The following ANGPTL2 variants were observed in gnomAD, a reference collection of about 807,000 sequenced individuals.
The protein encoded by ANGPTL2 is angiopoietin-related protein 2.
ANGPTL2 carries 25 observed loss-of-function variants against 52.8 expected under a neutral mutation model. The ratio of observed to expected loss-of-function variants is 0.47; its 90% CI spans 0.35 to 0.66. The LOEUF (loss-of-function observed/expected upper bound fraction) is 0.66, where lower values mean the gene tolerates loss of function less well. Ranked by LOEUF, ANGPTL2 falls within the 30% of genes least tolerant of loss-of-function variation. The pLI, the probability that ANGPTL2 is intolerant of heterozygous loss-of-function variation, is 0.01. For missense variants in ANGPTL2, 546 were observed against 656.9 expected (o/e 0.83, Z 1.84); for synonymous variants, 276 against 277.4 (o/e 1.00, Z 0.05).
At chr9:127,117,509 G>T (rs1395258775) in intron 1 of ANGPTL2, among the ~76,000 whole-genome samples, 1 of 152,208 alleles carries the variant, frequency 6.6e-6, no homozygotes. Context: ...AGGGGTCCAC[G>T]GTAGTAGGTG....
chr9:127,115,039 C>T (rs2055251738), intron 1 of ANGPTL2, among the ~76,000 whole-genome samples: 1 of 152,122 alleles, frequency 6.6e-6, no homozygotes, highest in Non-Finnish European at 1.5e-5. Context: ...GATCAGGTGA[C>T]CAGTAGTATT....
At chr9:127,097,697 C>G (rs1416014339) in intron 2 of ANGPTL2, among the ~76,000 whole-genome samples, 1 of 152,204 alleles carries the variant, frequency 6.6e-6, no homozygotes, top group South Asian at 2.1e-4. Context: ...ATAAATAATA[C>G]TGTGAAAAAT....
chr9:127,105,371 C>T (rs2054123784), intron 2 of ANGPTL2, among the ~76,000 whole-genome samples: 1 of 152,174 alleles, frequency 6.6e-6, no homozygotes, highest in South Asian at 2.1e-4. Flanking sequence ...GTTGTGAACA[C>T]AAAGAAGCAG....
At position 127,091,981 on chromosome 9, in the gene ANGPTL2, C is replaced by G. The variant is rs370465090; in HGVS notation, c.1012-41G>C. 2 of 1,596,536 alleles carry G rather than the reference C, an allele frequency of 1.3e-6. No individual in the cohort carries two copies. The highest frequency in any genetic ancestry group is 1.7e-6 in the Non-Finnish European group (2 of 1,169,612). The stretch of plus-strand genomic sequence containing the variant: ...GAGAGTGTTAATGTGGAGCCTGCAG[C>G]ACCTGCAGCCAGCAGGCTTGGCTGT... On this transcript the variant is annotated intron_variant, in intron 3 of 4. Transcript: ENST00000373425. This position sits in a 1 kb window ranked among gnomAD's most constrained non-coding sequence, Gnocchi z 4.3.
At position 127,087,423 on chromosome 9, in the gene ANGPTL2, C is replaced by T. The variant is rs1331509061; in HGVS notation, c.*1516G>A. The T allele has an allele frequency of 1.3e-5, 2 of 152,574 alleles. No individual in the cohort carries two copies. Among genetic ancestry groups the T allele is most frequent in the Admixed American group, 6.5e-5 (1 of 15,280 alleles). The allele number at this position is 152,574 out of a possible 1,614,324, so 9.5% of individuals were successfully genotyped here. ...GGAATATATTTTTAAAAAAACCCTCCCTTTTATATACACAAAACATGCTAC... is the reference window on the plus strand; with the variant it reads ...GGAATATATTTTTAAAAAAACCCTCTCTTTTATATACACAAAACATGCTAC... On this transcript the variant is annotated 3_prime_UTR_variant, in exon 5 of 5. Transcript: ENST00000373425.
At chr9:127,110,329 C>T (rs1420281391) in intron 1 of ANGPTL2, among the ~76,000 whole-genome samples, 2 of 152,218 alleles carry the variant, frequency 1.3e-5, no homozygotes, top group Non-Finnish European at 2.9e-5. Context: ...TCTTGACCTT[C>T]CTTTCCAGAG....
At position 127,122,084 on chromosome 9, in the gene ANGPTL2, G is replaced by A. The variant is rs1254450745; in HGVS notation, c.-50+231C>T. Among the ~76,000 whole-genome samples the A allele has an allele frequency of 6.6e-6, 1 of 152,196 alleles. No homozygotes were observed. Among genetic ancestry groups the A allele is most frequent in the Non-Finnish European group, 1.5e-5 (1 of 68,030 alleles). Reference sequence around the variant, plus strand: ...AAAGAGGAGAGTGAGGCTTACTCATGAAGTCCTCGAGATGCCAGCCCATGA... The same window carrying A: ...AAAGAGGAGAGTGAGGCTTACTCATAAAGTCCTCGAGATGCCAGCCCATGA... On this transcript the variant is annotated intron_variant, in intron 1 of 4. Transcript: ENST00000373425. This position sits in a 1 kb window ranked among gnomAD's most constrained non-coding sequence, Gnocchi z 6.4.
intron 2 of ANGPTL2, among the ~76,000 whole-genome samples, chr9:127,096,258 G>C (rs1426166647): frequency 6.6e-6 from 1 of 152,262 alleles, no homozygotes; most frequent in Non-Finnish European, 1.5e-5. Context: ...CCCCAGGGAT[G>C]GAGGCAGAGA....
chr9:127,108,866 G>A (rs2054524674), intron 1 of ANGPTL2, 86 bp from the exon 2 acceptor site: 1 of 988,310 alleles, frequency 1.0e-6, no homozygotes, highest in East Asian at 2.7e-5. Context: ...TTCTCGCCAG[G>A]CAGGCAGAGC....
At position 127,091,833 on chromosome 9, in the gene ANGPTL2, G is replaced by C. The variant is rs1045659840; in HGVS notation, c.1119C>G (p.Ser373=). The change falls in exon 4 of 5, where the codon TCC becomes TCG. Residue 373 remains serine, a synonymous_variant. Coordinates refer to ENST00000373425, the MANE Select transcript of ANGPTL2 (RefSeq NM_012098.3). The surrounding 1 kb of genome is among the most constrained non-coding windows in gnomAD (Gnocchi z 4.3). The stretch of plus-strand genomic sequence containing the variant: ...CGTATTCTGCAAAGACTTTGCGGCC[G>C]GACCAGTCCTCCATGGTCACCAGGA... The part of the protein sequence containing the change: ...YKLLVTMEDW[S]GRKVFAEYAS... The C allele has an allele frequency of 6.8e-6, 11 of 1,614,016 alleles. No individual in the cohort carries two copies. The Admixed American group carries it at 1.8e-4, about 27-fold the overall frequency.
intron 1 of ANGPTL2, among the ~76,000 whole-genome samples, chr9:127,116,593 G>C (rs1184553827): frequency 6.6e-6 from 1 of 152,172 alleles, no homozygotes; most frequent in Admixed American, 6.5e-5. Flanking sequence ...GAAAGCCCTA[G>C]ACAAGAGGGA....
At chr9:127,118,077 A>G (rs901394021) in intron 1 of ANGPTL2, among the ~76,000 whole-genome samples, 6 of 152,086 alleles carry the variant, frequency 3.9e-5, no homozygotes, top group African/African-American at 1.2e-4. Context: ...TATTTTTGAG[A>G]TGGAGTCTTG....
chr9:127,099,214 G>T (rs888348568), intron 2 of ANGPTL2, among the ~76,000 whole-genome samples: 6 of 152,222 alleles, frequency 3.9e-5, no homozygotes, highest in Non-Finnish European at 5.9e-5. Flanking sequence ...CCTGTGGCCT[G>T]TGGGAAATGT....
chr9:127,101,890 T>C (rs1336195300), intron 2 of ANGPTL2, among the ~76,000 whole-genome samples: 1 of 152,208 alleles, frequency 6.6e-6, no homozygotes. Flanking sequence ...TTCAAAAATA[T>C]CAGGGAAAAG....
chr9:127,099,232 G>A (rs2053476657), intron 2 of ANGPTL2, among the ~76,000 whole-genome samples: 1 of 152,188 alleles, frequency 6.6e-6, no homozygotes, highest in South Asian at 2.1e-4. Flanking sequence ...TGTTCTGGGG[G>A]GCTCTTGGTT....
Position 127,093,805 on chromosome 9 carries a change from G to A in ANGPTL2, c.939C>T (p.Pro313=), listed in dbSNP as rs767101270. The change falls in exon 3 of 5, where the codon CCC becomes CCT. Residue 313 remains proline (P), a synonymous_variant. Coordinates refer to ENST00000373425, the MANE Select transcript of ANGPTL2 (RefSeq NM_012098.3). The part of the protein sequence containing the change: ...MQVWCDQRHD[P]GGWTVIQRRL... Reference sequence around the variant, plus strand: ...GTCTCTGGATGACGGTCCAGCCCCCGGGGTCGTGTCTCTGGTCGCACCACA... The same window carrying A: ...GTCTCTGGATGACGGTCCAGCCCCCAGGGTCGTGTCTCTGGTCGCACCACA... 38 of 1,613,876 alleles carry A rather than the reference G, an allele frequency of 2.4e-5. No homozygotes were observed. The East Asian group carries it at 7.1e-4, about 30-fold the overall frequency.
intron 1 of ANGPTL2, among the ~76,000 whole-genome samples, chr9:127,114,644 T>C (rs1229804014): frequency 6.6e-6 from 1 of 152,236 alleles, no homozygotes; most frequent in Non-Finnish European, 1.5e-5. Flanking sequence ...ACCCGTCCTC[T>C]GGTCAGCACT....
intron 1 of ANGPTL2, among the ~76,000 whole-genome samples, chr9:127,111,595 G>C (rs1205229141): frequency 6.6e-6 from 1 of 152,190 alleles, no homozygotes; most frequent in Non-Finnish European, 1.5e-5. Context: ...GCAGAGGAGG[G>C]CCTATGTGTG....
intron 1 of ANGPTL2, among the ~76,000 whole-genome samples, chr9:127,114,609 G>T (rs2055202296): frequency 6.6e-6 from 1 of 152,220 alleles, no homozygotes; most frequent in Non-Finnish European, 1.5e-5. Context: ...CCTGCCTGGA[G>T]GACTTACAGA....
Sources: gnomAD v4.1 joint callset for allele counts (sites outside exome capture counted in the v4.1 genomes callset) on GRCh38, gnomAD v4.1.1 for gene constraint, Gnocchi (gnomAD v3.1) non-coding constraint, MANE v1.5 for transcripts, NCBI Gene and HGNC (gene_info 2026-07-23, HGNC 2026-07-21) for gene names.